Variants in CDK19 observed in about 807,000 individuals in gnomAD.
CDK19 encodes cyclin-dependent kinase 19.
A neutral mutation model predicts 68.3 loss-of-function variants in CDK19; 20 were observed. The ratio of observed to expected loss-of-function variants is 0.29; its 90% CI spans 0.21 to 0.43. The LOEUF (loss-of-function observed/expected upper bound fraction) is 0.43. Among genes scored for constraint, CDK19 ranks in the 20% least tolerant of loss-of-function variants. The pLI, the probability that CDK19 is intolerant of heterozygous loss-of-function variation, is 1.00. For synonymous variants in CDK19, 221 were observed against 222.8 expected, an observed-to-expected ratio of 0.99 and a Z score of 0.07; for missense variants, 339 against 623.5, an observed-to-expected ratio of 0.54 and a Z score of 4.86.
intron 1 of CDK19, among the ~76,000 whole-genome samples, chr6:110,756,224 T>C (rs1778825979): frequency 6.6e-6 from 1 of 152,038 alleles, no homozygotes; most frequent in African/African-American, 2.4e-5. Flanking sequence ...ACCCTGTCTC[T>C]ACTAAAAATA....
intron 12 of CDK19, among the ~76,000 whole-genome samples, chr6:110,618,515 A>G (rs1199242008): frequency 1.3e-5 from 2 of 152,194 alleles, no homozygotes; most frequent in African/African-American, 4.8e-5. Flanking sequence ...TACTTTTGCT[A>G]TTTTTGACTC....
At chr6:110,808,097 A>T (rs1782809190) in intron 1 of CDK19, among the ~76,000 whole-genome samples, 1 of 152,204 alleles carries the variant, frequency 6.6e-6, no homozygotes, top group Non-Finnish European at 1.5e-5. Flanking sequence ...ACCCTGATTT[A>T]AACATTTTTA....
intron 1 of CDK19, among the ~76,000 whole-genome samples, chr6:110,766,722 T>C (rs1215831359): frequency 1.3e-5 from 2 of 152,000 alleles, no homozygotes; most frequent in African/African-American, 4.8e-5. Context: ...TGATCCTACC[T>C]AGTGCAATGG....
intron 1 of CDK19, among the ~76,000 whole-genome samples, chr6:110,752,471 TTTG>T (rs1361401813): frequency 5.9e-5 from 9 of 152,204 alleles, no homozygotes; most frequent in Non-Finnish European, 1.2e-4. Context: ...CTGCTATTAT[TTTG>T]TTTTCTTCTT....
chr6:110,687,249 A>G lies in CDK19; in HGVS notation c.205-16708T>C, dbSNP rs568369165. ...TCCACTTTTCAGGACATTGGGCATT[A>G]TCAGTGGTCAGACACCCCACCCCAG... On this transcript the variant is annotated intron_variant, in intron 2 of 12. Coordinates refer to ENST00000368911, the MANE Select transcript of CDK19 (RefSeq NM_015076.5). Among the ~76,000 whole-genome samples the G allele has an allele frequency of 8.7e-4, 132 of 152,298 alleles. 1 individual carries two copies. The highest frequency in any genetic ancestry group is 3.0e-3 in the African/African-American group (125 of 41,566).
rs149744559 is a variant in CDK19 at position 110,639,850 on chromosome 6, G to C, written c.457-1144C>G. On this transcript the variant is annotated intron_variant, in intron 4 of 12. Coordinates refer to ENST00000368911, the MANE Select transcript of CDK19 (RefSeq NM_015076.5). ...AAAATGAACAGGAACCATCATGGCA[G>C]AGTAGAGGAAGGGCAAGGACACCAT... Among the ~76,000 whole-genome samples, 232 of 152,290 alleles carry C rather than the reference G, an allele frequency of 1.5e-3. 1 individual carries two copies. The highest frequency in any genetic ancestry group is 5.1e-3 in the African/African-American group (214 of 41,560).
intron 1 of CDK19, among the ~76,000 whole-genome samples, chr6:110,793,364 T>C (rs1781726123): frequency 1.3e-5 from 2 of 152,336 alleles, no homozygotes; most frequent in East Asian, 3.9e-4. Context: ...GGTGTTTTCC[T>C]ATCACTTATC....
chr6:110,634,734 C>G (rs915127931), intron 5 of CDK19, among the ~76,000 whole-genome samples: 2 of 152,182 alleles, frequency 1.3e-5, no homozygotes, highest in East Asian at 3.9e-4. Flanking sequence ...ATATTCAAGG[C>G]ACTGTTTTAT....
intron 2 of CDK19, chr6:110,706,411 T>G (rs1420788569): frequency 2.3e-5 from 2 of 86,208 alleles, no homozygotes; most frequent in African/African-American, 7.7e-5. Flanking sequence ...GTTGTTTTTT[T>G]TTTGTTTGTT....
At position 110,641,576 on chromosome 6, in the gene CDK19, C is replaced by T. The variant is rs559333724; in HGVS notation, c.457-2870G>A. On this transcript the variant is annotated intron_variant, in intron 4 of 12. Coordinates refer to ENST00000368911, the MANE Select transcript of CDK19 (RefSeq NM_015076.5). Reference sequence around the variant, plus strand: ...TGCCACTGTACTCTAGCCTGGGCAACAGAGTGAGACTCCATCAAAAAAAAA... The same window carrying T: ...TGCCACTGTACTCTAGCCTGGGCAATAGAGTGAGACTCCATCAAAAAAAAA... Among the ~76,000 whole-genome samples, 24 of 117,484 alleles carry T rather than the reference C, an allele frequency of 2.0e-4. No homozygotes were observed. In the East Asian group the frequency reaches 3.7e-3, roughly 18 times the overall value. 77.1% of individuals were successfully genotyped at this position (117,484 alleles called of 152,430 possible).
chr6:110,677,570 T>TAAAAAAA (rs538974161), intron 2 of CDK19, among the ~76,000 whole-genome samples: 1 of 59,682 alleles, frequency 1.7e-5, no homozygotes, highest in Admixed American at 2.0e-4. Flanking sequence ...CATCTCAACA[T>TAAAAAAA]AAAAAAAAAA....
chr6:110,771,170 G>C (rs141606474), intron 1 of CDK19, among the ~76,000 whole-genome samples: 169 of 152,300 alleles, frequency 1.1e-3, no homozygotes, highest in African/African-American at 3.9e-3. Context: ...TCTGTGTGGG[G>C]GCTCCAACCC....
intron 1 of CDK19, among the ~76,000 whole-genome samples, chr6:110,755,537 A>G (rs1207308528): frequency 1.3e-5 from 2 of 152,172 alleles, no homozygotes; most frequent in Admixed American, 6.5e-5. Flanking sequence ...GATAAGCAGG[A>G]TTTCACTGAG....
At chr6:110,804,426 T>G (rs1192294202) in intron 1 of CDK19, among the ~76,000 whole-genome samples, 1 of 151,716 alleles carries the variant, frequency 6.6e-6, no homozygotes, top group East Asian at 2.0e-4. Flanking sequence ...CACTGAAACC[T>G]CTGCCTCCCG....
At chr6:110,726,560 G>A (rs551147940) in intron 2 of CDK19, among the ~76,000 whole-genome samples, 16 of 152,094 alleles carry the variant, frequency 1.1e-4, no homozygotes, top group Admixed American at 2.0e-4. Flanking sequence ...GGTGGGGAGG[G>A]ATCTTAAATC....
chr6:110,642,947 A>G (rs1341731934), intron 4 of CDK19, among the ~76,000 whole-genome samples: 3 of 152,186 alleles, frequency 2.0e-5, no homozygotes, highest in Non-Finnish European at 2.9e-5. Context: ...CACAAGAGAT[A>G]ACAAACTTTA....
At chr6:110,768,338 T>G (rs1779734710) in intron 1 of CDK19, among the ~76,000 whole-genome samples, 1 of 152,210 alleles carries the variant, frequency 6.6e-6, no homozygotes, top group Non-Finnish European at 1.5e-5. Context: ...GGCAGTTTCT[T>G]ACAAAACTAA....
chr6:110,614,485 T>C lies in CDK19; in HGVS notation c.*50A>G. On this transcript the variant is annotated 3_prime_UTR_variant, in exon 13 of 13. Transcript: ENST00000368911. ...TTGGTTCTTTTCAATGCAGACATAT[T>C]GCTGGAGCCTGTGCTCTGGGCTGGG... 6.3e-7 allele frequency: 1 copy of C among 1,583,132 alleles called. No individual in the cohort carries two copies. The highest frequency in any genetic ancestry group is 1.4e-5 in the African/African-American group (1 of 73,754).
chr6:110,617,662 TAC>T (rs561387463), intron 12 of CDK19, among the ~76,000 whole-genome samples: 7,449 of 106,896 alleles, frequency 0.07, 309 homozygotes, highest in Non-Finnish European at 0.092. Context: ...TATATATATA[TAC>T]ACACACACAC....
Sources: gnomAD v4.1 joint callset for allele counts (sites outside exome capture counted in the v4.1 genomes callset) on GRCh38, gnomAD v4.1.1 for gene constraint, MANE v1.5 for transcripts, NCBI Gene and HGNC (gene_info 2026-07-23, HGNC 2026-07-21) for gene names.